The following TMEM50B variants were observed in gnomAD, a reference collection of about 807,000 sequenced individuals.
TMEM50B encodes the protein transmembrane protein 50B.
TMEM50B carries 14 observed loss-of-function variants against 23.4 expected under a neutral mutation model. The observed-to-expected ratio is 0.60, with a 90% CI of 0.39 to 0.93. The LOEUF (loss-of-function observed/expected upper bound fraction) is 0.93, where lower values mean the gene tolerates loss of function less well. Among genes scored for constraint, TMEM50B ranks in the 40% least tolerant of loss-of-function variants. The pLI is 0.00. For missense variants in TMEM50B, 159 were observed against 193.0 expected (o/e 0.82, Z 1.04); for synonymous variants, 64 against 62.3 (o/e 1.03, Z -0.13).
At chr21:33,469,446 C>T (rs2084293091) in intron 1 of TMEM50B, 1 of 152,058 alleles carries the variant, frequency 6.6e-6, no homozygotes, top group Non-Finnish European at 1.5e-5. Flanking sequence ...AGACTCTGTC[C>T]AAAAATAAAT....
intron 8 of TMEM50B, among the ~76,000 whole-genome samples, chr21:33,433,809 T>C (rs2083915755): frequency 1.3e-5 from 2 of 151,522 alleles, no homozygotes; most frequent in Admixed American, 1.3e-4. Flanking sequence ...TTTAATGGCA[T>C]GGGGTTGGCT....
At chr21:33,460,774 G>A (rs2084210829) in intron 4 of TMEM50B, among the ~76,000 whole-genome samples, 1 of 152,046 alleles carries the variant, frequency 6.6e-6, no homozygotes, top group Non-Finnish European at 1.5e-5. Flanking sequence ...AAATTACACT[G>A]TTGTATATAT....
At chr21:33,448,263 G>A (rs1261596211), downstream of TMEM50B, among the ~76,000 whole-genome samples, 1 of 151,852 alleles carries the variant, frequency 6.6e-6, no homozygotes, top group African/African-American at 2.4e-5. Flanking sequence ...AAAGTGCTGG[G>A]ATTACAGGCG....
chr21:33,447,094 G>C (rs140084467), downstream of TMEM50B: 1 of 146,542 alleles, frequency 6.8e-6, no homozygotes, highest in Non-Finnish European at 1.5e-5. Context: ...AGTGAGCTGA[G>C]ATTGCACCAC....
chr21:33,477,612 G>A (rs2084385618), intron 1 of TMEM50B, among the ~76,000 whole-genome samples: 2 of 151,924 alleles, frequency 1.3e-5, no homozygotes, highest in African/African-American at 4.8e-5. Context: ...CGAGGCGGGG[G>A]GGGGTTACCT....
At chr21:33,442,987 T>A (rs866109851) in intron 7 of TMEM50B, among the ~76,000 whole-genome samples, 1 of 152,052 alleles carries the variant, frequency 6.6e-6, no homozygotes, top group Middle Eastern at 3.4e-3. Context: ...TTCCTTGAAA[T>A]TAAATAGTGG....
chr21:33,439,467 C>CAAATCG (rs1392864266), intron 7 of TMEM50B, among the ~76,000 whole-genome samples: 1 of 152,034 alleles, frequency 6.6e-6, no homozygotes, highest in African/African-American at 2.4e-5. Flanking sequence ...GCAACCTCTG[C>CAAATCG]CTTCCGGGTT....
downstream of TMEM50B, among the ~76,000 whole-genome samples, chr21:33,444,803 C>A (rs372961364): frequency 0.011 from 1,051 of 95,786 alleles, no homozygotes; most frequent in Non-Finnish European, 0.013. Context: ...CATCTCTTTA[C>A]AAAAAAAAAA....
chr21:33,451,710 A>C (rs891966566), intron 6 of TMEM50B, among the ~76,000 whole-genome samples: 11 of 152,164 alleles, frequency 7.2e-5, no homozygotes, highest in Non-Finnish European at 1.6e-4. Flanking sequence ...GTGAAGTAGG[A>C]ATCTGGATAT....
At chr21:33,478,699 G>C (rs937804584) in intron 1 of TMEM50B, 11 of 459,022 alleles carry the variant, frequency 2.4e-5, no homozygotes, top group African/African-American at 1.2e-4. Context: ...AAATATTCAA[G>C]ATAACTTTTG....
At chr21:33,435,196 G>A (rs2083933139) in intron 8 of TMEM50B, among the ~76,000 whole-genome samples, 1 of 152,142 alleles carries the variant, frequency 6.6e-6, no homozygotes, top group Non-Finnish European at 1.5e-5. Flanking sequence ...ATTAATCGCT[G>A]GGAAACACCC....
intron 6 of TMEM50B, 83 bp from the exon 7 acceptor site, chr21:33,450,946 A>G: frequency 2.7e-6 from 3 of 1,094,198 alleles, no homozygotes; most frequent in Non-Finnish European, 4.1e-6. Flanking sequence ...ATGCTTTGAC[A>G]GGTACTTCAC....
chr21:33,463,456 A>G (rs1284959633), intron 4 of TMEM50B, among the ~76,000 whole-genome samples: 1 of 152,232 alleles, frequency 6.6e-6, no homozygotes, highest in Non-Finnish European at 1.5e-5. Flanking sequence ...AAAGTAGATC[A>G]GTAGTGGCCA....
intron 5 of TMEM50B, 109 bp from the exon 6 acceptor site, chr21:33,455,893 T>A: frequency 1.2e-6 from 1 of 813,502 alleles, no homozygotes; most frequent in South Asian, 1.4e-5. Flanking sequence ...CATACTGCTA[T>A]TATTCATTAA....
chr21:33,432,772 G>T lies in TMEM50B; in HGVS notation c.*2151C>A, dbSNP rs121913217. The T allele has an allele frequency of 6.2e-7, 1 of 1,614,030 alleles. No individual in the cohort carries two copies. The highest frequency in any genetic ancestry group is 2.2e-5 in the East Asian group (1 of 44,884). On this transcript the variant is annotated 3_prime_UTR_variant and NMD_transcript_variant, in exon 9 of 9. Coordinates refer to the TMEM50B transcript ENST00000420455. ...CCGTGGGAACATTTTCGTTGCTGTC[G>T]GTGCTGGCAGGAGCCTGTTTCTTCC...
intron 2 of TMEM50B, 99 bp downstream of exon 2, chr21:33,468,688 A>G (rs1031276872): frequency 3.4e-6 from 3 of 890,146 alleles, no homozygotes; most frequent in Admixed American, 4.4e-5. Flanking sequence ...CAGTGAAATA[A>G]ATAGTTCTGG....
At position 33,467,051 on chromosome 21, in the gene TMEM50B, G is replaced by A. The variant is rs1263762187; in HGVS notation, c.171C>T (p.Ala57=). 4 of 1,614,044 alleles carry A rather than the reference G, an allele frequency of 2.5e-6. No homozygotes were observed. The African/African-American group carries it at 5.3e-5, about 22-fold the overall frequency. Residue 57 remains alanine, a synonymous_variant, in exon 3 of 7, where the codon GCC becomes GCT. Coordinates refer to ENST00000542230, the MANE Select transcript of TMEM50B (RefSeq NM_006134.7). The part of the protein sequence containing the change: ...VYPKPEQLNH[A]FHTCGVFSTL... ...TGGAAAATACACCACATGTGTGAAA[G>A]GCATGGTTCAACTGTTCTGGCTTAG...
At chr21:33,459,916 T>C (rs2084202780) in intron 5 of TMEM50B, among the ~76,000 whole-genome samples, 1 of 152,108 alleles carries the variant, frequency 6.6e-6, no homozygotes, top group Non-Finnish European at 1.5e-5. Flanking sequence ...ATATATCTAT[T>C]TTCATTCCTA....
In TMEM50B at chr21:33,449,397, C is replaced by T. The variant is rs1239869727; in HGVS notation, c.*1421G>A. On this transcript the variant is annotated 3_prime_UTR_variant, in exon 7 of 7. Coordinates refer to ENST00000542230, the MANE Select transcript of TMEM50B (RefSeq NM_006134.7). The stretch of plus-strand genomic sequence containing the variant: ...GCTTACATTAGAGCCGTGGACACTA[C>T]CACTGGTATTATTCATACAACCAAG... 1 of 152,514 alleles carries T rather than the reference C, an allele frequency of 6.6e-6. No individual in the cohort carries two copies. Among genetic ancestry groups the T allele is most frequent in the Non-Finnish European group, 1.5e-5 (1 of 68,022 alleles). 9.4% of individuals were successfully genotyped at this position (152,514 alleles called of 1,614,324 possible).
Sources: gnomAD v4.1 joint callset for allele counts (sites outside exome capture counted in the v4.1 genomes callset) on GRCh38, gnomAD v4.1.1 for gene constraint, MANE v1.5 for transcripts, NCBI Gene and HGNC (gene_info 2026-07-23, HGNC 2026-07-21) for gene names.